TTC39B: variants seen among roughly 807,000 people sequenced by gnomAD.
TTC39B encodes tetratricopeptide repeat protein 39B.
In TTC39B, 92 loss-of-function variants were observed where a neutral mutation model predicts 96.6. That is an observed-to-expected ratio of 0.95 (90% CI 0.80 to 1.13). The LOEUF (loss-of-function observed/expected upper bound fraction) is 1.13, where lower values mean the gene tolerates loss of function less well. Ranked by LOEUF, TTC39B falls within the 50% of genes most tolerant of loss-of-function variation. The probability of loss-of-function intolerance (pLI) is 0.00; values close to 1 mark genes in which losing one functional copy is unlikely to be tolerated. For synonymous variants in TTC39B, 367 were observed against 299.4 expected (o/e 1.23, Z -2.33); for missense variants, 955 against 809.3 (o/e 1.18, Z -2.18).
chr9:15,185,913 T>C (rs1271923744), intron 15 of TTC39B, among the ~76,000 whole-genome samples: 1 of 152,186 alleles, frequency 6.6e-6, no homozygotes, highest in Non-Finnish European at 1.5e-5. Flanking sequence ...TAACGTATAA[T>C]TTAAGAAAAT....
intron 1 of TTC39B, among the ~76,000 whole-genome samples, chr9:15,289,988 G>A (rs16932948): frequency 0.028 from 4,246 of 152,136 alleles, 198 homozygotes; most frequent in African/African-American, 0.097. Flanking sequence ...AAAAGCACCC[G>A]TGCTCTCCCG....
chr9:15,263,217 A>G (rs899513677), intron 2 of TTC39B, among the ~76,000 whole-genome samples: 6 of 152,126 alleles, frequency 3.9e-5, no homozygotes, highest in Non-Finnish European at 5.9e-5. Context: ...TATTGGTTCT[A>G]TTTGTCTGGA....
chr9:15,212,722 A>G (rs1300498013), intron 4 of TTC39B, among the ~76,000 whole-genome samples: 2 of 152,148 alleles, frequency 1.3e-5, no homozygotes, highest in Non-Finnish European at 2.9e-5. Flanking sequence ...CCATTTAAAC[A>G]CTGAAACATG....
At chr9:15,293,480 T>A (rs1455351186) in intron 1 of TTC39B, among the ~76,000 whole-genome samples, 1 of 152,080 alleles carries the variant, frequency 6.6e-6, no homozygotes, top group Non-Finnish European at 1.5e-5. Context: ...TTTAGGAAAT[T>A]GGGCATGAGA....
chr9:15,237,309 C>T (rs955980484), intron 2 of TTC39B, among the ~76,000 whole-genome samples: 1 of 151,990 alleles, frequency 6.6e-6, no homozygotes, highest in African/African-American at 2.4e-5. Context: ...AGCAAGACTC[C>T]ATCTCAAAAA....
chr9:15,295,646 A>G (rs1251718579), intron 1 of TTC39B, among the ~76,000 whole-genome samples: 8 of 152,276 alleles, frequency 5.3e-5, no homozygotes, highest in Admixed American at 3.3e-4. Context: ...AAAAGCATAA[A>G]GAGAAAGTAA....
At chr9:15,192,810 C>G in intron 8 of TTC39B, 115 bp from the exon 9 acceptor site, 1 of 697,300 alleles carries the variant, frequency 1.4e-6, no homozygotes, top group East Asian at 2.8e-5. Flanking sequence ...AAAATACCAT[C>G]AAAATTTTAA....
At chr9:15,297,680 T>C (rs539309833) in intron 1 of TTC39B, among the ~76,000 whole-genome samples, 3 of 152,204 alleles carry the variant, frequency 2.0e-5, no homozygotes, top group African/African-American at 7.2e-5. Context: ...CAATAATCAT[T>C]CAACAAACAA....
At chr9:15,285,069 G>A (rs1285102531) in intron 1 of TTC39B, among the ~76,000 whole-genome samples, 1 of 152,044 alleles carries the variant, frequency 6.6e-6, no homozygotes, top group Admixed American at 6.6e-5. Context: ...AGACCATCCT[G>A]GCTAACACGG....
intron 17 of TTC39B, among the ~76,000 whole-genome samples, chr9:15,181,127 G>A (rs997879774): frequency 6.6e-6 from 1 of 152,126 alleles, no homozygotes; most frequent in East Asian, 1.9e-4. Context: ...CCAATGGGGG[G>A]CTGGGGGTGG....
intron 2 of TTC39B, among the ~76,000 whole-genome samples, chr9:15,240,853 T>C (rs1380899020): frequency 6.6e-6 from 1 of 152,236 alleles, no homozygotes; most frequent in Non-Finnish European, 1.5e-5. Context: ...ATTTTATCTT[T>C]TCTATTTCCT....
chr9:15,258,747 C>T lies in TTC39B; in HGVS notation c.275+9167G>A, dbSNP rs189333812. Reference sequence around the variant, plus strand: ...GGTTCACTGGTCATTCACTTTGCACCAGCAACACCCCAACCACGACTCAGT... The same window carrying T: ...GGTTCACTGGTCATTCACTTTGCACTAGCAACACCCCAACCACGACTCAGT... On this transcript the variant is annotated intron_variant, in intron 2 of 19. Coordinates refer to ENST00000512701, the Ensembl canonical transcript of TTC39B. Among the ~76,000 whole-genome samples the T allele has an allele frequency of 3.9e-5, 6 of 152,180 alleles. No homozygotes were observed. The East Asian group carries it at 1.2e-3, about 29-fold the overall frequency.
chr9:15,285,829 C>CT (rs1319958700), intron 1 of TTC39B, among the ~76,000 whole-genome samples: 2 of 151,448 alleles, frequency 1.3e-5, no homozygotes, highest in African/African-American at 4.9e-5. Context: ...CACTCCAGCC[C>CT]AGGGGACAGA....
At chr9:15,181,165 G>A (rs1185142427) in intron 17 of TTC39B, among the ~76,000 whole-genome samples, 1 of 152,142 alleles carries the variant, frequency 6.6e-6, no homozygotes, top group Admixed American at 6.5e-5. Flanking sequence ...TAGACAGTAG[G>A]CTGGGCTCCT....
At chr9:15,195,666 T>A (rs1250701831) in intron 8 of TTC39B, among the ~76,000 whole-genome samples, 9 of 95,426 alleles carry the variant, frequency 9.4e-5, no homozygotes, top group Non-Finnish European at 6.0e-5. Context: ...GGAGACTCCA[T>A]CTCCAAAAAA....
chr9:15,186,976 T>C (rs1285063476), exon 15 of TTC39B: 1 of 1,613,830 alleles, frequency 6.2e-7, no homozygotes. Context: ...CATTCGTTGC[T>C]ACTACATCCT....
At chr9:15,285,794 G>A (rs1360183126) in intron 1 of TTC39B, among the ~76,000 whole-genome samples, 3 of 152,250 alleles carry the variant, frequency 2.0e-5, no homozygotes, top group African/African-American at 4.8e-5. Flanking sequence ...GGCGGAGCTT[G>A]CAGTGAGCCG....
At chr9:15,172,254 G>A (rs1383655894) in intron 19 of TTC39B, 145 bp from the exon 20 acceptor site, 1 of 489,252 alleles carries the variant, frequency 2.0e-6, no homozygotes, top group African/African-American at 2.0e-5. Context: ...TGCAGATTCT[G>A]GTTCTGTTGG....
chr9:15,172,756 A>G (rs564666339), intron 19 of TTC39B, among the ~76,000 whole-genome samples: 5 of 152,140 alleles, frequency 3.3e-5, no homozygotes, highest in African/African-American at 9.7e-5. Context: ...ATACTTTTAC[A>G]TACTGCCTTG....
Sources: gnomAD v4.1 joint callset for allele counts (sites outside exome capture counted in the v4.1 genomes callset) on GRCh38, gnomAD v4.1.1 for gene constraint, MANE v1.5 for transcripts, NCBI Gene and HGNC (gene_info 2026-07-23, HGNC 2026-07-21) for gene names.